The following NRG4 variants were observed in gnomAD, a reference collection of about 807,000 sequenced individuals.
NRG4 encodes neuregulin 4, also known as pro-neuregulin-4, membrane-bound isoform.
Under a neutral mutation model 15.0 loss-of-function variants are expected in NRG4, and 10 were observed. That is an observed-to-expected ratio of 0.67 (90% confidence interval 0.41 to 1.13). NRG4 has a LOEUF of 1.13. Among genes scored for constraint, NRG4 ranks in the 50% most tolerant of loss-of-function variants. The pLI is 0.00. For missense variants in NRG4, 139 were observed against 140.2 expected, an observed-to-expected ratio of 0.99 and a Z score of 0.04; for synonymous variants, 41 against 50.1, an observed-to-expected ratio of 0.82 and a Z score of 0.77.
At chr15:75,971,126 T>C in intron 3 of NRG4, 1 of 379,984 alleles carries the variant, frequency 2.6e-6, no homozygotes, top group Non-Finnish European at 5.2e-6. Context: ...CCGACTAGTT[T>C]CATACCTATT....
At chr15:76,015,065 T>A (rs1228139465), upstream of NRG4, among the ~76,000 whole-genome samples, 5 of 152,184 alleles carry the variant, frequency 3.3e-5, no homozygotes, top group African/African-American at 4.8e-5. Context: ...TTCACATCCC[T>A]TGTGAGTTGT....
intron 4 of NRG4, among the ~76,000 whole-genome samples, chr15:76,044,690 C>T (rs2035827904): frequency 6.7e-6 from 1 of 149,470 alleles, no homozygotes. Context: ...AAAAAATTAG[C>T]CGGGCATAGT....
upstream of NRG4, chr15:76,059,921 C>CGCGAGGGG (rs1423098630): frequency 1.4e-5 from 2 of 144,770 alleles, no homozygotes; most frequent in African/African-American, 5.0e-5. Context: ...GCGGCGGGGC[C>CGCGAGGGG]GCGAGGGGGC....
rs376599936 is a variant in NRG4, at chr15:76,030,053, T to C, written c.-57+5891A>G. On this transcript the variant is annotated intron_variant, in intron 5 of 8. Transcript: ENST00000563910. ...GCGGGTGGATCACAAGGTCAGGAGA[T>C]CAAGACCATCCTGGCTAACACGGTG... is the stretch of plus-strand genomic sequence containing the variant. Among the ~76,000 whole-genome samples the C allele has an allele frequency of 3.3e-5, 5 of 152,198 alleles. No homozygotes were observed. In the East Asian group the frequency reaches 5.8e-4, roughly 18 times the overall value.
At chr15:75,951,271 G>C (rs755019479) in intron 5 of NRG4, 3 of 146,030 alleles carry the variant, frequency 2.1e-5, no homozygotes, top group African/African-American at 7.6e-5. Flanking sequence ...GGGTTCAAGC[G>C]GTTCTCCTAC....
chr15:75,952,284 G>A lies in NRG4; in HGVS notation c.331+3648C>T, dbSNP rs866688591. The stretch of plus-strand genomic sequence containing the variant: ...CTAGGCAAACATTAATCTACTGTCT[G>A]TCTCTATAGATTTGCCTGTTCTGGG... On this transcript the variant is annotated intron_variant, in intron 5 of 5. Transcript: ENST00000394907. Among the ~76,000 whole-genome samples, 5 of 152,196 alleles carry A rather than the reference G, an allele frequency of 3.3e-5. No homozygotes were observed. In the Middle Eastern group the frequency reaches 0.01, roughly 311 times the overall value.
At chr15:76,006,997 A>G (rs1278886681) in intron 3 of NRG4, among the ~76,000 whole-genome samples, 1 of 152,210 alleles carries the variant, frequency 6.6e-6, no homozygotes, top group African/African-American at 2.4e-5. Context: ...TATAAATATA[A>G]AAGGATAGGA....
At chr15:76,050,793 T>A (rs2035987933) in intron 4 of NRG4, among the ~76,000 whole-genome samples, 1 of 147,172 alleles carries the variant, frequency 6.8e-6, no homozygotes, top group African/African-American at 2.6e-5. Flanking sequence ...TCCAGACTCC[T>A]GTTCTCCAAA....
rs142812746 is a variant in NRG4, at chr15:75,941,960, A to AAACC, written c.*1677_*1678insGGTT. The AAACC allele has an allele frequency of 2.1e-5, 2 of 93,766 alleles. No individual in the cohort carries two copies. The highest frequency in any genetic ancestry group is 8.0e-4 in the South Asian group (2 of 2,488). The allele number at this position is 93,766 out of a possible 1,614,324, so 5.8% of individuals were successfully genotyped here. A position where few individuals can be genotyped will look rare whatever the true frequency, so the allele number is the denominator to read the frequency against. ...ACCACCAAAAAAAAAAAAAAAAAAA[A>AAACC]ATATGGCCTAGCTTTTTTTTTTTTT... On this transcript the variant is annotated 3_prime_UTR_variant, in exon 6 of 6. Coordinates refer to ENST00000394907, the MANE Select transcript of NRG4 (RefSeq NM_138573.4).
chr15:75,951,757 T>C (rs905778016), intron 5 of NRG4, among the ~76,000 whole-genome samples: 1 of 152,222 alleles, frequency 6.6e-6, no homozygotes, highest in Non-Finnish European at 1.5e-5. Flanking sequence ...TTTCTTATTA[T>C]ACATTTTGCT....
At chr15:76,025,159 G>A (rs2035273160) in intron 5 of NRG4, among the ~76,000 whole-genome samples, 1 of 152,202 alleles carries the variant, frequency 6.6e-6, no homozygotes, top group African/African-American at 2.4e-5. Flanking sequence ...ATAGACAGGG[G>A]CTGGGCGTGG....
At chr15:75,949,007 C>T (rs1368616454) in intron 5 of NRG4, among the ~76,000 whole-genome samples, 3 of 152,182 alleles carry the variant, frequency 2.0e-5, no homozygotes, top group Non-Finnish European at 1.5e-5. Context: ...GCTATGATCA[C>T]GTCCCTGCAC....
chr15:76,025,999 C>A (rs62027615), intron 5 of NRG4, among the ~76,000 whole-genome samples: 69 of 151,708 alleles, frequency 4.5e-4, no homozygotes, highest in African/African-American at 1.6e-3. Context: ...CGACTACACA[C>A]CCAAAAAAAG....
upstream of NRG4, among the ~76,000 whole-genome samples, chr15:76,017,279 T>C (rs2035010979): frequency 6.6e-6 from 1 of 151,640 alleles, no homozygotes; most frequent in South Asian, 2.1e-4. Context: ...CCAATGGGTC[T>C]TGAATCTTTA....
At chr15:76,038,565 T>C (rs886093071) in intron 4 of NRG4, among the ~76,000 whole-genome samples, 1 of 152,190 alleles carries the variant, frequency 6.6e-6, no homozygotes, top group Non-Finnish European at 1.5e-5. Context: ...CTGTTTTTCA[T>C]GGTTTGAAAG....
Position 76,009,240 on chromosome 15 carries a change from G to A in NRG4, c.64C>T (p.Leu22Phe). The A allele has an allele frequency of 6.2e-7, 1 of 1,603,740 alleles. No homozygotes were observed. The highest frequency in any genetic ancestry group is 8.5e-7 in the Non-Finnish European group (1 of 1,171,778). Reference protein sequence around the residue: ...SHKSFCLNGGLCYVIPTIPSP... With the variant: ...SHKSFCLNGGFCYVIPTIPSP... ...GGAATAGTAGGTATCACATAACAAA[G>A]CCCCCCATTCAGGCAAAACGACTTG... The change falls in exon 3 of 6, where the codon CTT (leucine) becomes TTT (phenylalanine). Residue 22 changes from leucine (L) to phenylalanine (F), a missense_variant. Leu to Phe is a conservative substitution (Grantham distance 22). Transcript: ENST00000394907.
chr15:76,056,186 G>T (rs1352271917), intron 2 of NRG4, among the ~76,000 whole-genome samples: 1 of 152,124 alleles, frequency 6.6e-6, no homozygotes, highest in Non-Finnish European at 1.5e-5. Flanking sequence ...AGTGGCTCAC[G>T]CCTGTAATCC....
intron 5 of NRG4, among the ~76,000 whole-genome samples, chr15:75,945,059 G>A (rs1354245505): frequency 6.6e-6 from 1 of 151,300 alleles, no homozygotes; most frequent in African/African-American, 2.4e-5. Context: ...CTGGGGAAAA[G>A]AAAAAAATCA....
chr15:76,055,096 A>G (rs530896278), intron 2 of NRG4, among the ~76,000 whole-genome samples: 1 of 152,332 alleles, frequency 6.6e-6, no homozygotes, highest in Admixed American at 6.5e-5. Context: ...CCTGGCCAAC[A>G]TGGTGAAACC....
Sources: gnomAD v4.1 joint callset for allele counts (sites outside exome capture counted in the v4.1 genomes callset) on GRCh38, gnomAD v4.1.1 for gene constraint, MANE v1.5 for transcripts, NCBI Gene and HGNC (gene_info 2026-07-23, HGNC 2026-07-21) for gene names.